CLTCL1: variants seen among roughly 807,000 people sequenced by gnomAD.
The protein encoded by CLTCL1 is clathrin heavy chain like 1.
In CLTCL1, 159 loss-of-function variants were observed where a neutral mutation model predicts 190.0. The observed-to-expected ratio is 0.84, with a 90% CI of 0.74 to 0.95. CLTCL1 has a LOEUF of 0.95. Ranked by LOEUF, CLTCL1 falls within the 40% of genes least tolerant of loss-of-function variation. The probability of loss-of-function intolerance (pLI) is 0.00; values close to 1 mark genes in which losing one functional copy is unlikely to be tolerated. For missense variants in CLTCL1, 1,878 were observed against 2,033.4 expected (o/e 0.92, Z 1.47); for synonymous variants, 752 against 769.6 (o/e 0.98, Z 0.38).
At chr22:19,207,524 G>A (rs1407596288) in intron 22 of CLTCL1, 8 of 400,998 alleles carry the variant, frequency 2.0e-5, no homozygotes, top group Non-Finnish European at 3.5e-5. Flanking sequence ...TTACTTCCTC[G>A]TGTGGCTTGC....
rs760543399 is a variant in CLTCL1, at chr22:19,192,698, T to G, written c.4192-1263A>C. On this transcript the variant is annotated intron_variant, in intron 26 of 32. Coordinates refer to ENST00000427926, the MANE Select transcript of CLTCL1 (RefSeq NM_007098.4). ...CACTTCAGGGTGTCTTCTTTCTCCT[T>G]CTCTTTTCCTTTTGTGCTAGAGCAC... Among the ~76,000 whole-genome samples the G allele has an allele frequency of 2.0e-5, 3 of 152,204 alleles. No homozygotes were observed. In the East Asian group the frequency reaches 5.8e-4, roughly 29 times the overall value.
intron 1 of CLTCL1, among the ~76,000 whole-genome samples, chr22:19,279,681 T>A (rs1304659201): frequency 6.6e-6 from 1 of 152,250 alleles, no homozygotes; most frequent in East Asian, 1.9e-4. Context: ...AAAGTAACTT[T>A]CACGGATAAT....
chr22:19,207,192 T>C (rs2085078024), intron 22 of CLTCL1, among the ~76,000 whole-genome samples: 1 of 152,078 alleles, frequency 6.6e-6, no homozygotes, highest in Non-Finnish European at 1.5e-5. Context: ...AATTTTGTTA[T>C]TTTTAGTAGA....
In CLTCL1 at chr22:19,222,669, G is replaced by A. The variant is rs2085612073; in HGVS notation, c.2418+15C>T. ...CCAGAGGCAGCCGGGTGTCACTCCA[G>A]GGAGCCAGCAGTACCTTCTGCACGT... On this transcript the variant is annotated intron_variant, in intron 15 of 32. Coordinates refer to ENST00000427926, the MANE Select transcript of CLTCL1 (RefSeq NM_007098.4). The A allele has an allele frequency of 1.3e-6, 2 of 1,584,810 alleles. No homozygotes were observed. The highest frequency in any genetic ancestry group is 1.7e-6 in the Non-Finnish European group (2 of 1,165,442).
chr22:19,257,745 G>C, intron 2 of CLTCL1: 1 of 1,324,666 alleles, frequency 7.5e-7, no homozygotes, highest in South Asian at 1.1e-5. Flanking sequence ...GGCAGGAATA[G>C]GGGGCATCTA....
rs1252756123 is a variant in CLTCL1, at chr22:19,180,383, G to A, written c.4904-145C>T. On this transcript the variant is annotated intron_variant, in intron 31 of 32. Coordinates refer to ENST00000427926, the MANE Select transcript of CLTCL1 (RefSeq NM_007098.4). ...AAGCACCCCACAGCCTCTCCAGTCT[G>A]CTCGACAGCCAGGCTGCCCTGGGCA... 1.2e-5 allele frequency: 11 copies of A among 896,986 alleles called. No individual in the cohort carries two copies. The East Asian group carries it at 2.9e-4, about 23-fold the overall frequency. 55.6% of individuals were successfully genotyped at this position (896,986 alleles called of 1,614,324 possible).
chr22:19,216,181 C>T lies in CLTCL1; in HGVS notation c.2995G>A (p.Asp999Asn). The change falls in exon 19 of 33, where the codon GAC becomes AAC. Residue 999 changes from aspartate (D) to asparagine (N), a missense_variant. Transcript: ENST00000427926. ...SVTVKAFMTA[D>N]LPNELIELLE... ...AGTTCAATCAGTTCATTAGGCAGGT[C>T]GGCTGTCATAAAGGCTTTGACAGTG... 1.9e-6 allele frequency: 3 copies of T among 1,613,890 alleles called. No homozygotes were observed. The highest frequency in any genetic ancestry group is 1.3e-5 in the African/African-American group (1 of 75,062).
rs566480572 is a variant in CLTCL1, at chr22:19,184,004, C to T, written c.4606-393G>A. ...ACCAGGGGAGCAGTTAGGAGGGGTA[C>T]GGCTACTGCTCTAGAAACAGCAATG... On this transcript the variant is annotated intron_variant, in intron 29 of 32. Transcript: ENST00000427926. 1.2e-4 allele frequency: 38 copies of T among 310,050 alleles called. 1 individual carries two copies. The highest frequency in any genetic ancestry group is 2.8e-4 in the Admixed American group (6 of 21,704). 19.2% of individuals were successfully genotyped at this position (310,050 alleles called of 1,614,324 possible). A position where few individuals can be genotyped will look rare whatever the true frequency, so the allele number is the denominator to read the frequency against.
At chr22:19,184,017 A>T in intron 29 of CLTCL1, 2 of 292,000 alleles carry the variant, frequency 6.8e-6, no homozygotes, top group East Asian at 8.2e-5. Flanking sequence ...CTACTGCTCT[A>T]GAAACAGCAA....
chr22:19,232,585 G>A lies in CLTCL1; in HGVS notation c.1535C>T (p.Pro512Leu), dbSNP rs782771529. 12 of 1,612,804 alleles carry A rather than the reference G, an allele frequency of 7.4e-6. No individual in the cohort carries two copies. The East Asian group carries it at 1.8e-4, about 24-fold the overall frequency. The change falls in exon 10 of 33, where the codon CCA (proline) becomes CTA (leucine). Residue 512 changes from proline to leucine, a missense_variant. Coordinates refer to ENST00000427926, the MANE Select transcript of CLTCL1 (RefSeq NM_007098.4). ...VLYAKKVGYT[P>L]DWIFLLRGVM... ...ACCCCTCAGCAGAAAGATCCAGTCTGGGGTGTACCCAACCTAGAAGCAAGG... is the reference window on the plus strand; with the variant it reads ...ACCCCTCAGCAGAAAGATCCAGTCTAGGGTGTACCCAACCTAGAAGCAAGG...
chr22:19,180,865 G>A, intron 30 of CLTCL1, 59 bp from the exon 31 acceptor site: 1 of 1,498,514 alleles, frequency 6.7e-7, no homozygotes, highest in Non-Finnish European at 9.3e-7. Flanking sequence ...CGGCCTCTAG[G>A]TGAAAGTGGA....
At chr22:19,236,762 C>T (rs1301491176) in intron 5 of CLTCL1, among the ~76,000 whole-genome samples, 3 of 151,930 alleles carry the variant, frequency 2.0e-5, no homozygotes, top group East Asian at 1.9e-4. Context: ...ACCTGGGCAA[C>T]GTAGCAAGAC....
In CLTCL1 at chr22:19,187,848, C is replaced by A. The variant is rs542871808; in HGVS notation, c.4435-120G>T. 9.0e-6 allele frequency: 12 copies of A among 1,330,616 alleles called. No homozygotes were observed. In the African/African-American group the frequency reaches 1.5e-4, roughly 16 times the overall value. 82.4% of individuals were successfully genotyped at this position (1,330,616 alleles called of 1,614,324 possible). Reference sequence around the variant, plus strand: ...CAGCACAGCCTTAGAAAGGCCCCTGCCCATATATCCACTGGTGTCCTGTGG... The same window carrying A: ...CAGCACAGCCTTAGAAAGGCCCCTGACCATATATCCACTGGTGTCCTGTGG... On this transcript the variant is annotated intron_variant, in intron 28 of 32. Transcript: ENST00000427926.
intron 1 of CLTCL1, among the ~76,000 whole-genome samples, chr22:19,291,339 C>G (rs1235615819): frequency 6.6e-6 from 1 of 152,126 alleles, no homozygotes; most frequent in East Asian, 1.9e-4. Flanking sequence ...AGCGGGGCGT[C>G]CCAGGGGGCG....
At chr22:19,273,876 G>A (rs959279250) in intron 2 of CLTCL1, among the ~76,000 whole-genome samples, 11 of 151,970 alleles carry the variant, frequency 7.2e-5, no homozygotes, top group African/African-American at 2.4e-4. Context: ...TCCCCATGGC[G>A]TGTGTTCTCT....
At chr22:19,190,950 G>T (rs1008266639) in intron 27 of CLTCL1, among the ~76,000 whole-genome samples, 1 of 151,978 alleles carries the variant, frequency 6.6e-6, no homozygotes, top group Non-Finnish European at 1.5e-5. Flanking sequence ...GCTAATTTTT[G>T]TATTTTTAGT....
At chr22:19,244,640 A>G (rs2086360828) in intron 3 of CLTCL1, among the ~76,000 whole-genome samples, 2 of 152,210 alleles carry the variant, frequency 1.3e-5, no homozygotes, top group South Asian at 4.1e-4. Flanking sequence ...TGCAGCCAAG[A>G]CGAAGAGGCA....
intron 1 of CLTCL1, among the ~76,000 whole-genome samples, chr22:19,282,235 A>C (rs1313264150): frequency 6.6e-6 from 1 of 151,974 alleles, no homozygotes; most frequent in African/African-American, 2.4e-5. Flanking sequence ...AGGCTGAGGC[A>C]GGAGAATTGC....
At chr22:19,273,812 A>G (rs782724281) in intron 2 of CLTCL1, among the ~76,000 whole-genome samples, 1 of 151,928 alleles carries the variant, frequency 6.6e-6, no homozygotes, top group Non-Finnish European at 1.5e-5. Context: ...CATCCAACCA[A>G]AGCCCAAATC....
Sources: allele counts gnomAD v4.1 joint callset (sites outside exome capture counted in the v4.1 genomes callset), GRCh38; gene constraint gnomAD v4.1.1; transcripts MANE v1.5; gene names NCBI Gene and HGNC (gene_info 2026-07-23, HGNC 2026-07-21).